The following GPT2 variants were observed in gnomAD, a reference collection of about 807,000 sequenced individuals.
The protein encoded by GPT2 is alanine aminotransferase 2.
A neutral mutation model predicts 56.9 loss-of-function variants in GPT2; 30 were observed. The observed-to-expected ratio is 0.53, with a 90% confidence interval of 0.39 to 0.72. The LOEUF is 0.72. GPT2 is among the 30% of genes least tolerant of loss of function. The probability of loss-of-function intolerance (pLI) is 0.00; values close to 1 mark genes in which losing one functional copy is unlikely to be tolerated. For missense variants in GPT2, 542 were observed against 703.4 expected (o/e 0.77, Z 2.60); for synonymous variants, 271 against 283.1 (o/e 0.96, Z 0.43).
At chr16:46,895,822 C>T (rs111722900) in intron 2 of GPT2, among the ~76,000 whole-genome samples, 22 of 152,312 alleles carry the variant, frequency 1.4e-4, no homozygotes, top group African/African-American at 4.3e-4. Context: ...TGTGAGCCAC[C>T]ACGTCCAGCC....
intron 10 of GPT2, 128 bp downstream of exon 10, chr16:46,924,672 GC>G: frequency 1.1e-6 from 1 of 926,834 alleles, no homozygotes; most frequent in Non-Finnish European, 1.7e-6. Context: ...GCACCTCTCG[GC>G]CAGAGGGTGT....
At chr16:46,898,248 C>T (rs922425607) in intron 3 of GPT2, among the ~76,000 whole-genome samples, 3 of 152,166 alleles carry the variant, frequency 2.0e-5, no homozygotes, top group Admixed American at 2.0e-4. Context: ...GCAGAGGCCT[C>T]CTGGGGCCCA....
chr16:46,905,810 C>T (rs956358179), intron 4 of GPT2, among the ~76,000 whole-genome samples: 2 of 152,208 alleles, frequency 1.3e-5, no homozygotes, highest in African/African-American at 4.8e-5. Context: ...AGCTGCCAAC[C>T]CCCTGTACAC....
intron 4 of GPT2, among the ~76,000 whole-genome samples, chr16:46,905,042 G>A (rs895546828): frequency 6.6e-6 from 1 of 151,848 alleles, no homozygotes; most frequent in Non-Finnish European, 1.5e-5. Context: ...GCAGAGCTAG[G>A]GGATTCCAGT....
intron 2 of GPT2, among the ~76,000 whole-genome samples, chr16:46,885,949 C>T (rs1030309376): frequency 6.6e-6 from 1 of 152,162 alleles, no homozygotes; most frequent in East Asian, 1.9e-4. Context: ...TGCCCTCACC[C>T]GGGTCACTAG....
intron 9 of GPT2, 110 bp downstream of exon 9, chr16:46,922,526 G>T: frequency 2.8e-6 from 3 of 1,053,150 alleles, no homozygotes; most frequent in Non-Finnish European, 2.7e-6. Flanking sequence ...TCCTGAGGGT[G>T]TGGCCTGCAG....
intron 10 of GPT2, among the ~76,000 whole-genome samples, chr16:46,926,535 G>GA (rs1961417247): frequency 6.6e-6 from 1 of 152,204 alleles, no homozygotes; most frequent in African/African-American, 2.4e-5. Flanking sequence ...CAGTGTGTGG[G>GA]AAGCAGTGTT....
At chr16:46,915,048 G>T (rs1320050106) in intron 6 of GPT2, among the ~76,000 whole-genome samples, 3 of 152,104 alleles carry the variant, frequency 2.0e-5, no homozygotes, top group African/African-American at 7.2e-5. Flanking sequence ...CTCCCAAGTA[G>T]CTGGGACTAC....
chr16:46,909,778 C>T lies in GPT2; in HGVS notation c.671C>T (p.Ser224Phe), dbSNP rs1292039706. ...PQYPLYSAVI[S>F]ELDAIQVNYY... is the part of the protein sequence containing the mutation. ...TATCCCCTCTATTCAGCTGTCATCT[C>T]TGAGCTCGACGCCATCCAGGTGAAT... The change falls in exon 6 of 12, where the codon TCT (serine) becomes TTT (phenylalanine). Residue 224 changes from serine (S) to phenylalanine (F), a missense_variant. Physicochemically the swap from Ser to Phe is radical, Grantham distance 155 (BLOSUM62 -2). Coordinates refer to ENST00000340124, the MANE Select transcript of GPT2 (RefSeq NM_133443.4). 1 of 1,614,174 alleles carries T rather than the reference C, an allele frequency of 6.2e-7. No homozygotes were observed. The highest frequency in any genetic ancestry group is 8.5e-7 in the Non-Finnish European group (1 of 1,180,040).
In GPT2 at chr16:46,918,756, G is replaced by A. The variant is rs1200311071; in HGVS notation, c.1036G>A (p.Glu346Lys). 1.9e-6 allele frequency: 3 copies of A among 1,613,662 alleles called. No homozygotes were observed. Among genetic ancestry groups the A allele is most frequent in the Admixed American group, 1.7e-5 (1 of 59,982 alleles). Residue 346 changes from glutamate to lysine, a missense_variant and splice_region_variant, in exon 8 of 12, where the codon GAG (glutamate) becomes AAG (lysine). Physicochemically the swap from Glu to Lys is moderately conservative, Grantham distance 56. Transcript: ENST00000340124. ...FHSTSKGYMGECGYRGGYMEV... is the reference protein window; with the variant it reads ...FHSTSKGYMGKCGYRGGYMEV... The stretch of plus-strand genomic sequence containing the variant: ...CTCCACCTCCAAGGGCTACATGGGC[G>A]AGTACGTGGGCCTCCCTTCCCTCTG...
At position 46,922,239 on chromosome 16, in the gene GPT2, C is replaced by T. The variant is rs567876798; in HGVS notation, c.1038-3C>T. ...GGTCCTCTCCCTCTCTTTGGCCCTC[C>T]AGGTGTGGTTACAGAGGAGGCTACA... is the stretch of plus-strand genomic sequence containing the variant. On this transcript the variant is annotated splice_polypyrimidine_tract_variant and splice_region_variant and intron_variant, in intron 8 of 11. Coordinates refer to ENST00000340124, the MANE Select transcript of GPT2 (RefSeq NM_133443.4). 11 of 1,613,388 alleles carry T rather than the reference C, an allele frequency of 6.8e-6. No homozygotes were observed. The highest frequency in any genetic ancestry group is 9.3e-6 in the Non-Finnish European group (11 of 1,179,808).
At chr16:46,898,952 A>ATG (rs775455892) in intron 3 of GPT2, among the ~76,000 whole-genome samples, 1 of 138,714 alleles carries the variant, frequency 7.2e-6, no homozygotes, top group Non-Finnish European at 1.5e-5. Context: ...ACACACATAT[A>ATG]TGTGTATATA....
intron 9 of GPT2, 71 bp from the exon 10 acceptor site, chr16:46,924,318 G>C (rs1222574238): frequency 3.9e-6 from 6 of 1,540,456 alleles, no homozygotes; most frequent in Non-Finnish European, 5.4e-6. Flanking sequence ...AGTGCTGCAG[G>C]AAAGATCAGT....
At chr16:46,908,240 TGGTGGAGCCTGCAGTCCCGGTGGG>T (rs1251458540) in intron 5 of GPT2, among the ~76,000 whole-genome samples, 70 of 148,190 alleles carry the variant, frequency 4.7e-4, no homozygotes, top group African/African-American at 1.5e-3. Flanking sequence ...TGCGGGGGAC[TGGTGGAGCCTGCAGTCCCGGTGGG>T]GGACTGGTGG....
At chr16:46,897,870 C>T (rs1357524481) in intron 3 of GPT2, 133 bp downstream of exon 3, 8 of 712,034 alleles carry the variant, frequency 1.1e-5, no homozygotes, top group East Asian at 2.7e-5. Context: ...TCTCCCTTAG[C>T]CTCCTTCCTG....
chr16:46,905,703 A>G (rs1279734704), intron 4 of GPT2, among the ~76,000 whole-genome samples: 1 of 152,180 alleles, frequency 6.6e-6, no homozygotes, highest in Non-Finnish European at 1.5e-5. Flanking sequence ...TGACATTTAA[A>G]AAAATCTTTT....
chr16:46,887,531 C>G (rs1219009180), intron 2 of GPT2, among the ~76,000 whole-genome samples: 8 of 152,152 alleles, frequency 5.3e-5, no homozygotes, highest in Admixed American at 5.2e-4. Flanking sequence ...AGTAGGGTGA[C>G]TTGGGGTGAA....
chr16:46,889,180 A>G (rs1960538802), intron 2 of GPT2, among the ~76,000 whole-genome samples: 1 of 147,892 alleles, frequency 6.8e-6, no homozygotes, highest in Non-Finnish European at 1.5e-5. Flanking sequence ...GGCGTATGCC[A>G]CCACGTCTGG....
Position 46,929,056 on chromosome 16 carries a change from G to A in GPT2, c.*59G>A, listed in dbSNP as rs1160059945. The A allele has an allele frequency of 7.4e-7, 1 of 1,352,634 alleles. No homozygotes were observed. The highest frequency in any genetic ancestry group is 1.1e-6 in the Non-Finnish European group (1 of 943,980). The allele number at this position is 1,352,634 out of a possible 1,614,324, so 83.8% of individuals were successfully genotyped here. A position where few individuals can be genotyped will look rare whatever the true frequency, so the allele number is the denominator to read the frequency against. ...GGCTCTTCCTCCCAATGCCCGTCAGGCTGAACTCGCCTCCCCCGTGACTCT... is the reference window on the plus strand; with the variant it reads ...GGCTCTTCCTCCCAATGCCCGTCAGACTGAACTCGCCTCCCCCGTGACTCT... On this transcript the variant is annotated 3_prime_UTR_variant, in exon 12 of 12. Transcript: ENST00000340124.
Sources: gnomAD v4.1 joint callset for allele counts (sites outside exome capture counted in the v4.1 genomes callset) on GRCh38, gnomAD v4.1.1 for gene constraint, MANE v1.5 for transcripts, NCBI Gene and HGNC (gene_info 2026-07-23, HGNC 2026-07-21) for gene names.